Variants in HACE1 observed in about 807,000 individuals in gnomAD.
HACE1 encodes HECT domain and ankyrin repeat containing E3 ubiquitin protein ligase 1.
Under a neutral mutation model 118.4 loss-of-function variants are expected in HACE1, and 73 were observed. The observed-to-expected ratio is 0.62, with a 90% CI of 0.51 to 0.75. HACE1 has a LOEUF of 0.75. Ranked by LOEUF, HACE1 falls within the 30% of genes least tolerant of loss-of-function variation. HACE1 has a pLI of 0.00. For synonymous variants in HACE1, 368 were observed against 374.8 expected (o/e 0.98, Z 0.21); for missense variants, 749 against 1,102.2 (o/e 0.68, Z 4.54).
At chr6:104,779,560 T>C (rs779532959) in intron 14 of HACE1, among the ~76,000 whole-genome samples, 8 of 152,250 alleles carry the variant, frequency 5.3e-5, no homozygotes, top group South Asian at 4.1e-4. Context: ...AAATTAAATA[T>C]CTCATTTTCA....
At chr6:104,739,248 A>G (rs757963374) in intron 22 of HACE1, among the ~76,000 whole-genome samples, 2 of 152,194 alleles carry the variant, frequency 1.3e-5, no homozygotes, top group Non-Finnish European at 2.9e-5. Context: ...CTAGGAAGAA[A>G]CTATATCAAC....
intron 10 of HACE1, among the ~76,000 whole-genome samples, chr6:104,793,913 A>G (rs1783337873): frequency 6.6e-6 from 1 of 152,266 alleles, no homozygotes; most frequent in Non-Finnish European, 1.5e-5. Flanking sequence ...CTTGGAAGGT[A>G]GCACCATAAG....
chr6:104,732,674 T>C (rs1031290288), intron 22 of HACE1, among the ~76,000 whole-genome samples: 17 of 151,712 alleles, frequency 1.1e-4, no homozygotes, highest in Admixed American at 2.6e-4. Context: ...CACTTAAAAA[T>C]TGTTTAAATG....
intron 7 of HACE1, among the ~76,000 whole-genome samples, chr6:104,807,788 C>A (rs1771176512): frequency 6.6e-6 from 1 of 152,210 alleles, no homozygotes; most frequent in Admixed American, 6.5e-5. Flanking sequence ...GTTATAATGT[C>A]CTGTCCAGAG....
In HACE1 at chr6:104,791,547, A is replaced by T. The variant is rs768314021; in HGVS notation, c.1031T>A (p.Met344Lys). 4 of 1,613,208 alleles carry T rather than the reference A, an allele frequency of 2.5e-6. No individual in the cohort carries two copies. In the East Asian group the frequency reaches 8.9e-5, roughly 36 times the overall value. The change falls in exon 11 of 24, where the codon ATG becomes AAG. Residue 344 changes from methionine (M) to lysine (K), a missense_variant. By Grantham distance (95) the Met-to-Lys change is moderately conservative. Transcript: ENST00000262903. Reference sequence around the variant, plus strand: ...TGGAGTTTTATTCCCATTGTAGCCCATATCAATTCCATTACTGGGGGAGGA... The same window carrying T: ...TGGAGTTTTATTCCCATTGTAGCCCTTATCAATTCCATTACTGGGGGAGGA... ...GPSSPSNGID[M>K]GYNGNKTPRS...
rs762356026 is a variant in HACE1 at position 104,791,611 on chromosome 6, T to A, written c.967A>T (p.Ile323Phe). 1.2e-6 allele frequency: 2 copies of A among 1,611,792 alleles called. No individual in the cohort carries two copies. The highest frequency in any genetic ancestry group is 1.7e-6 in the Non-Finnish European group (2 of 1,177,988). ...AAGACGTGACAAAACATTCTCACAA[T>A]CCTTAAAAGGCTCTTCATTTGAGCA... is the stretch of plus-strand genomic sequence containing the variant. ...YDAQMKSLLRIVRMFCHVFRI... is the reference protein window; with the variant it reads ...YDAQMKSLLRFVRMFCHVFRI... The change falls in exon 11 of 24, where the codon ATT becomes TTT. Residue 323 changes from isoleucine to phenylalanine, a missense_variant. By Grantham distance (21) the Ile-to-Phe change is conservative (BLOSUM62 0). Around this residue, in one of 5 missense-constraint regions of HACE1, gnomAD observed 267 missense variants for 312.2 expected, o/e 0.86. Coordinates refer to ENST00000262903, the MANE Select transcript of HACE1 (RefSeq NM_020771.4).
chr6:104,836,427 T>G (rs925337990), intron 5 of HACE1, among the ~76,000 whole-genome samples: 3 of 151,874 alleles, frequency 2.0e-5, no homozygotes, highest in Non-Finnish European at 2.9e-5. Flanking sequence ...AAGAAAGAAA[T>G]AAAGGCCTGG....
chr6:104,818,322 C>T (rs35938844), intron 6 of HACE1, among the ~76,000 whole-genome samples: 26,337 of 151,946 alleles, frequency 0.17, 2,472 homozygotes, highest in African/African-American at 0.25. Flanking sequence ...GAAGTGGTGT[C>T]TGTAAGGTCC....
chr6:104,804,289 C>T (rs918889760), intron 7 of HACE1, among the ~76,000 whole-genome samples: 11 of 152,154 alleles, frequency 7.2e-5, no homozygotes, highest in African/African-American at 2.4e-4. Flanking sequence ...GCCATACTGC[C>T]CAAGGTAATT....
chr6:104,749,580 T>G (rs1280008399), intron 20 of HACE1, among the ~76,000 whole-genome samples: 2 of 152,114 alleles, frequency 1.3e-5, no homozygotes, highest in African/African-American at 4.8e-5. Flanking sequence ...ATAAAACATT[T>G]CCACTGATCT....
intron 22 of HACE1, 159 bp from the exon 23 acceptor site, chr6:104,730,575 G>C (rs947660747): frequency 1.3e-5 from 8 of 625,672 alleles, no homozygotes; most frequent in Non-Finnish European, 2.3e-5. Context: ...ACTGTAAGTT[G>C]CTTTGTGATT....
intron 6 of HACE1, among the ~76,000 whole-genome samples, chr6:104,824,290 C>T (rs1025291891): frequency 6.6e-6 from 1 of 152,166 alleles, no homozygotes; most frequent in African/African-American, 2.4e-5. Context: ...GTTGACAATA[C>T]ACACATACGA....
At chr6:104,853,217 G>T (rs1395287933) in intron 1 of HACE1, among the ~76,000 whole-genome samples, 1 of 152,154 alleles carries the variant, frequency 6.6e-6, no homozygotes, top group Non-Finnish European at 1.5e-5. Flanking sequence ...ACTCGATGCT[G>T]GTGCCACACT....
intron 19 of HACE1, among the ~76,000 whole-genome samples, chr6:104,757,086 G>A (rs1778793026): frequency 2.0e-5 from 3 of 152,184 alleles, no homozygotes; most frequent in African/African-American, 7.2e-5. Context: ...GGTGGCCACT[G>A]GAGCTCAGCA....
intron 5 of HACE1, among the ~76,000 whole-genome samples, chr6:104,837,807 T>C (rs887541867): frequency 6.6e-6 from 1 of 152,172 alleles, no homozygotes; most frequent in Non-Finnish European, 1.5e-5. Flanking sequence ...GATATGATCT[T>C]GTATTTGGAA....
At chr6:104,819,103 C>T (rs1361655655) in intron 6 of HACE1, among the ~76,000 whole-genome samples, 3 of 152,148 alleles carry the variant, frequency 2.0e-5, no homozygotes, top group South Asian at 2.1e-4. Context: ...TCAAACTATC[C>T]CTGTTTGCAG....
chr6:104,812,820 GC>G (rs1483502710), intron 6 of HACE1, among the ~76,000 whole-genome samples: 1 of 152,194 alleles, frequency 6.6e-6, no homozygotes, highest in Non-Finnish European at 1.5e-5. Context: ...GTTATGTAGA[GC>G]TAAAAATAGG....
At chr6:104,858,814 G>C (rs1246374892) in intron 1 of HACE1, among the ~76,000 whole-genome samples, 1 of 152,128 alleles carries the variant, frequency 6.6e-6, no homozygotes. Flanking sequence ...TCCTGACGCT[G>C]CAAACAAAAC....
intron 22 of HACE1, among the ~76,000 whole-genome samples, chr6:104,740,812 A>G (rs1329816441): frequency 7.3e-6 from 1 of 137,346 alleles, no homozygotes; most frequent in Non-Finnish European, 1.5e-5. Context: ...TCATTTTATG[A>G]GGCCAGCATC....
Sources: allele counts gnomAD v4.1 joint callset (sites outside exome capture counted in the v4.1 genomes callset), GRCh38; gene constraint gnomAD v4.1.1; regional missense constraint gnomAD v4.1.1; transcripts MANE v1.5; gene names NCBI Gene and HGNC (gene_info 2026-07-23, HGNC 2026-07-21).